Variants in DAW1 observed in about 807,000 individuals in gnomAD.
The protein encoded by DAW1 is dynein assembly factor with WD repeats 1.
DAW1 carries 47 observed loss-of-function variants against 56.5 expected under a neutral mutation model. That is an observed-to-expected ratio of 0.83 (90% CI 0.66 to 1.06). DAW1 has a LOEUF of 1.06. Among genes scored for constraint, DAW1 ranks in the 50% least tolerant of loss-of-function variants. The pLI, the probability that DAW1 is intolerant of heterozygous loss-of-function variation, is 0.00. For synonymous variants in DAW1, 190 were observed against 179.0 expected (o/e 1.06, Z -0.49); for missense variants, 505 against 499.3 (o/e 1.01, Z -0.11).
At chr2:227,923,135 A>G (rs563993511) in intron 12 of DAW1, among the ~76,000 whole-genome samples, 1 of 152,340 alleles carries the variant, frequency 6.6e-6, no homozygotes, top group African/African-American at 2.4e-5. Context: ...CAAAGCACCA[A>G]AGTGCTTAAC....
intron 10 of DAW1, among the ~76,000 whole-genome samples, chr2:227,909,270 A>G (rs1721333): frequency 0.056 from 8,085 of 144,416 alleles, 286 homozygotes; most frequent in Middle Eastern, 0.099. Flanking sequence ...CTATCTATCT[A>G]TCTGTCTGTC....
At chr2:227,918,637 T>C in intron 10 of DAW1, 143 bp from the exon 11 acceptor site, 1 of 832,462 alleles carries the variant, frequency 1.2e-6, no homozygotes, top group Non-Finnish European at 1.9e-6. Context: ...GTATTAAGTA[T>C]CTGGCTCTCA....
intron 4 of DAW1, among the ~76,000 whole-genome samples, chr2:227,892,800 A>T (rs1206918691): frequency 2.0e-5 from 3 of 152,132 alleles, no homozygotes; most frequent in Non-Finnish European, 2.9e-5. Context: ...CTGGGGAAAT[A>T]TATTTTTGTT....
At chr2:227,892,646 A>G (rs1691292251) in intron 4 of DAW1, among the ~76,000 whole-genome samples, 1 of 152,178 alleles carries the variant, frequency 6.6e-6, no homozygotes, top group African/African-American at 2.4e-5. Context: ...TGGTAGAAGG[A>G]AAATACCTAG....
chr2:227,898,599 C>T (rs979458312), intron 6 of DAW1, among the ~76,000 whole-genome samples: 9 of 152,262 alleles, frequency 5.9e-5, no homozygotes, highest in East Asian at 1.9e-4. Flanking sequence ...GGATTACAGG[C>T]GGGACCCACT....
chr2:227,912,854 A>G (rs1391225361), intron 10 of DAW1, among the ~76,000 whole-genome samples: 1 of 152,168 alleles, frequency 6.6e-6, no homozygotes, highest in East Asian at 1.9e-4. Context: ...ACAACTATGT[A>G]TGCTACACTA....
At chr2:227,878,207 A>G (rs1327510966) in intron 1 of DAW1, among the ~76,000 whole-genome samples, 1 of 152,182 alleles carries the variant, frequency 6.6e-6, no homozygotes, top group East Asian at 1.9e-4. Flanking sequence ...TGTGTACATC[A>G]TTTATTTACT....
intron 2 of DAW1, among the ~76,000 whole-genome samples, chr2:227,886,612 G>A (rs1691136397): frequency 6.6e-6 from 1 of 151,990 alleles, no homozygotes; most frequent in Non-Finnish European, 1.5e-5. Flanking sequence ...GTGAGACTCT[G>A]TCTTTAAAAA....
chr2:227,913,266 G>A (rs1227570531), intron 10 of DAW1, among the ~76,000 whole-genome samples: 3 of 152,024 alleles, frequency 2.0e-5, no homozygotes, highest in African/African-American at 7.2e-5. Context: ...CCTTCATATC[G>A]ACATGTGATG....
At chr2:227,919,187 C>T (rs1350405134) in intron 11 of DAW1, among the ~76,000 whole-genome samples, 1 of 125,310 alleles carries the variant, frequency 8.0e-6, no homozygotes, top group African/African-American at 3.1e-5. Flanking sequence ...CAGAGCAAGA[C>T]CCTATCTAGA....
chr2:227,922,521 C>G (rs1692135545), intron 12 of DAW1, among the ~76,000 whole-genome samples: 2 of 152,132 alleles, frequency 1.3e-5, no homozygotes, highest in Admixed American at 1.3e-4. Context: ...CACAGAAGAC[C>G]AGATCTGCCT....
intron 1 of DAW1, among the ~76,000 whole-genome samples, chr2:227,878,568 A>T (rs1690939512): frequency 1.3e-5 from 2 of 152,208 alleles, no homozygotes; most frequent in South Asian, 4.1e-4. Flanking sequence ...CAAAAAATTA[A>T]AAAATTAGCT....
intron 7 of DAW1, among the ~76,000 whole-genome samples, chr2:227,904,526 C>T (rs1162242139): frequency 6.6e-6 from 1 of 152,140 alleles, no homozygotes; most frequent in African/African-American, 2.4e-5. Context: ...ACACTGTTTA[C>T]TTTTGCATAC....
intron 1 of DAW1, among the ~76,000 whole-genome samples, chr2:227,877,790 G>A (rs1690914316): frequency 6.6e-6 from 1 of 152,246 alleles, no homozygotes; most frequent in Non-Finnish European, 1.5e-5. Flanking sequence ...ATGAGCTCAG[G>A]CAGTAATGCT....
chr2:227,923,851 C>A, intron 12 of DAW1, 83 bp from the exon 13 acceptor site: 1 of 1,543,170 alleles, frequency 6.5e-7, no homozygotes. Flanking sequence ...TACCAATGGC[C>A]CAGAAAATGT....
chr2:227,886,669 A>G (rs561385736), intron 2 of DAW1, among the ~76,000 whole-genome samples: 21 of 152,306 alleles, frequency 1.4e-4, no homozygotes, highest in African/African-American at 4.8e-4. Context: ...GGCCAAGGCC[A>G]AGTGTGGTGG....
chr2:227,897,451 T>C (rs1446536683), intron 5 of DAW1, among the ~76,000 whole-genome samples: 1 of 152,198 alleles, frequency 6.6e-6, no homozygotes, highest in African/African-American at 2.4e-5. Context: ...TTTGGGAAAT[T>C]GAGCTTGTAC....
Position 227,909,232 on chromosome 2 carries a change from TTATC to T in DAW1, c.973+2018_973+2021del, listed in dbSNP as rs3057690. On this transcript the variant is annotated intron_variant, in intron 10 of 12. Coordinates refer to ENST00000309931, the MANE Select transcript of DAW1 (RefSeq NM_178821.3). ...CACCACCTTTAGAAAGGTGGTGATA[TTATC>T]TATCTATCTATCTATCTATCTATCT... is the stretch of plus-strand genomic sequence containing the variant. Among the ~76,000 whole-genome samples, 440 of 138,874 alleles carry T rather than the reference TTATC, an allele frequency of 3.2e-3. 1 individual carries two copies. The highest frequency in any genetic ancestry group is 5.1e-3 in the African/African-American group (190 of 37,040). 91.1% of individuals were successfully genotyped at this position (138,874 alleles called of 152,430 possible). A position where few individuals can be genotyped will look rare whatever the true frequency, so the allele number is the denominator to read the frequency against.
chr2:227,892,137 A>ATTT (rs202082179), intron 4 of DAW1, among the ~76,000 whole-genome samples: 28 of 147,454 alleles, frequency 1.9e-4, no homozygotes, highest in African/African-American at 3.0e-4. Context: ...TAACTTAATA[A>ATTT]TTTTTTTTTT....
Sources: allele counts gnomAD v4.1 joint callset (sites outside exome capture counted in the v4.1 genomes callset), GRCh38; gene constraint gnomAD v4.1.1; transcripts MANE v1.5; gene names NCBI Gene and HGNC (gene_info 2026-07-23, HGNC 2026-07-21).